Variants in HEPHL1 observed in about 807,000 individuals in gnomAD.
HEPHL1 encodes hephaestin like 1, also known as ferroxidase HEPHL1.
Under a neutral mutation model 122.0 loss-of-function variants are expected in HEPHL1, and 123 were observed. The observed-to-expected ratio is 1.01, with a 90% confidence interval of 0.87 to 1.17. The LOEUF is 1.17. Ranked by LOEUF, HEPHL1 falls within the 50% of genes most tolerant of loss-of-function variation. HEPHL1 has a pLI of 0.00. For missense variants in HEPHL1, 1,452 were observed against 1,430.5 expected (o/e 1.01, Z -0.24); for synonymous variants, 527 against 508.9 (o/e 1.04, Z -0.48).
rs186584225 is a variant in HEPHL1, at chr11:94,100,352, G to C, written c.2435-843G>C. 1.6e-4 allele frequency among the ~76,000 whole-genome samples: 24 copies of C among 152,288 alleles called. No homozygotes were observed. The East Asian group carries it at 4.6e-3, about 29-fold the overall frequency. Reference sequence around the variant, plus strand: ...TGTAGAATGCACCAGATACCCAAGAGAGAGCCATAGGGATCAGGCACTTCT... The same window carrying C: ...TGTAGAATGCACCAGATACCCAAGACAGAGCCATAGGGATCAGGCACTTCT... On this transcript the variant is annotated intron_variant, in intron 13 of 19. Transcript: ENST00000315765.
At chr11:94,064,698 G>A (rs1016741421) in intron 4 of HEPHL1, among the ~76,000 whole-genome samples, 188 bp downstream of exon 4, 2 of 152,184 alleles carry the variant, frequency 1.3e-5, no homozygotes, top group Admixed American at 6.5e-5. Flanking sequence ...GGGGGACAGA[G>A]CAGTGGATGC....
chr11:94,022,460 T>C (rs2949864), intron 1 of HEPHL1, among the ~76,000 whole-genome samples: 41,254 of 152,106 alleles, frequency 0.27, 6,609 homozygotes, highest in African/African-American at 0.43. Flanking sequence ...GTTGATAAAA[T>C]TCAGGAACAG....
chr11:94,098,061 A>T (rs893974756), intron 13 of HEPHL1, among the ~76,000 whole-genome samples: 12 of 152,144 alleles, frequency 7.9e-5, no homozygotes, highest in African/African-American at 2.9e-4. Context: ...TGTCATTATG[A>T]TGTTAGCTGG....
At chr11:94,064,546 C>G in intron 4 of HEPHL1, 36 bp downstream of exon 4, 1 of 1,430,352 alleles carries the variant, frequency 7.0e-7, no homozygotes, top group Non-Finnish European at 9.8e-7. Context: ...GTATACCAGG[C>G]CTTTTATACT....
At chr11:94,106,630 G>C (rs1292231013) in intron 17 of HEPHL1, among the ~76,000 whole-genome samples, 2 of 152,060 alleles carry the variant, frequency 1.3e-5, no homozygotes, top group African/African-American at 4.8e-5. Flanking sequence ...ATATTATTGT[G>C]CTTATAAAAA....
intron 2 of HEPHL1, among the ~76,000 whole-genome samples, chr11:94,059,382 G>A (rs1591472688): frequency 6.6e-6 from 1 of 152,050 alleles, no homozygotes; most frequent in Admixed American, 6.6e-5. Context: ...TAAAATTGCT[G>A]GTTGTATATA....
rs1946394479 is a variant in HEPHL1, at chr11:94,104,660, T to C, written c.2815T>C (p.Tyr939His). ...FLVFNENESWYLDDNIKKYLN... is the reference protein window; with the variant it reads ...FLVFNENESWHLDDNIKKYLN... Reference sequence around the variant, plus strand: ...GGTATTTAATGAGAATGAATCCTGGTATCTGGATGACAATATTAAGAAGTA... The same window carrying C: ...GGTATTTAATGAGAATGAATCCTGGCATCTGGATGACAATATTAAGAAGTA... The change falls in exon 16 of 20, where the codon TAT becomes CAT. Residue 939 changes from tyrosine (Y) to histidine (H), a missense_variant. Coordinates refer to ENST00000315765, the MANE Select transcript of HEPHL1 (RefSeq NM_001098672.2). 2.5e-6 allele frequency: 4 copies of C among 1,613,636 alleles called. No individual in the cohort carries two copies. Among genetic ancestry groups the C allele is most frequent in the African/African-American group, 2.7e-5 (2 of 74,912 alleles).
chr11:94,049,418 C>T (rs1945870390), intron 2 of HEPHL1, among the ~76,000 whole-genome samples: 1 of 151,876 alleles, frequency 6.6e-6, no homozygotes, highest in South Asian at 2.1e-4. Context: ...TTAGTACAGC[C>T]ACTACGGAAA....
intron 2 of HEPHL1, among the ~76,000 whole-genome samples, chr11:94,050,467 A>G (rs2134418672): frequency 6.6e-6 from 1 of 151,958 alleles, no homozygotes; most frequent in East Asian, 1.9e-4. Flanking sequence ...CTAGCTGTAC[A>G]TTTTTTTCTA....
At position 94,073,127 on chromosome 11, in the gene HEPHL1, G is replaced by GAGAC; in HGVS notation, c.1336_1339dup (p.Leu447GlnfsTer5). On this transcript the variant is annotated frameshift_variant, in exon 7 of 20. Transcript: ENST00000315765. LOFTEE classifies it high-confidence loss of function. ...TTGATGCAACTTTTACTAAAAGAAA[G>GAGAC]AGACTCTCTGCTGAAGAAGCCCATC... is the stretch of plus-strand genomic sequence containing the variant. 1 of 1,613,176 alleles carries GAGAC rather than the reference G, an allele frequency of 6.2e-7. No individual in the cohort carries two copies. The highest frequency in any genetic ancestry group is 8.5e-7 in the Non-Finnish European group (1 of 1,179,470).
chr11:94,067,666 C>G lies in HEPHL1; in HGVS notation c.979C>G (p.Pro327Ala), dbSNP rs541253114. ...GHRTDVVNLF[P>A]ATFLTTEMIA... ...TCGGACTGATGTCGTCAACCTGTTC[C>G]CAGCCACCTTCCTTACAACAGAAAT... is the stretch of plus-strand genomic sequence containing the variant. The change falls in exon 5 of 20, where the codon CCA becomes GCA. Residue 327 changes from proline (P) to alanine (A), a missense_variant. Pro to Ala is a conservative substitution (Grantham distance 27). Coordinates refer to ENST00000315765, the MANE Select transcript of HEPHL1 (RefSeq NM_001098672.2). 1.2e-5 allele frequency: 20 copies of G among 1,613,726 alleles called. No homozygotes were observed. The highest frequency in any genetic ancestry group is 1.7e-5 in the Non-Finnish European group (20 of 1,179,750).
At chr11:94,043,175 A>G (rs1207700998) in intron 1 of HEPHL1, among the ~76,000 whole-genome samples, 1 of 152,194 alleles carries the variant, frequency 6.6e-6, no homozygotes, top group Non-Finnish European at 1.5e-5. Flanking sequence ...GAAAAAATGA[A>G]AAGAAATAGT....
chr11:94,059,666 T>C (rs1945967946), intron 2 of HEPHL1, among the ~76,000 whole-genome samples: 1 of 152,180 alleles, frequency 6.6e-6, no homozygotes, highest in African/African-American at 2.4e-5. Flanking sequence ...TCAGAACAAC[T>C]TAATAAATTA....
In HEPHL1 at chr11:94,045,902, A is replaced by C; in HGVS notation, c.400A>C (p.Asn134His). The change falls in exon 2 of 20, where the codon AAC (asparagine) becomes CAC (histidine). Residue 134 changes from asparagine to histidine, a missense_variant. Transcript: ENST00000315765. ...TCTGCATCCACATGGCGTTTTCTAC[A>C]ACAAAGATTCAGAAGGTAAATATCA... The part of the protein sequence containing the change: ...YSLHPHGVFY[N>H]KDSEGALYPD... 2.5e-6 allele frequency: 4 copies of C among 1,613,820 alleles called. No individual in the cohort carries two copies. In the South Asian group the frequency reaches 3.3e-5, roughly 13 times the overall value.
At chr11:94,099,269 G>A (rs1308141109) in intron 13 of HEPHL1, among the ~76,000 whole-genome samples, 1 of 152,208 alleles carries the variant, frequency 6.6e-6, no homozygotes, top group Non-Finnish European at 1.5e-5. Context: ...GGAGTTTGCT[G>A]GAGGTCCACT....
rs780331616 is a variant in HEPHL1, at chr11:94,082,587, C to T, written c.1867+19C>T. 7 of 1,594,712 alleles carry T rather than the reference C, an allele frequency of 4.4e-6. No homozygotes were observed. The Middle Eastern group carries it at 6.7e-4, about 152-fold the overall frequency. Reference sequence around the variant, plus strand: ...ATGCATGGTATGACAAATGACATTCCCGCCTGTAAATGAAAGGCTGACTTG... The same window carrying T: ...ATGCATGGTATGACAAATGACATTCTCGCCTGTAAATGAAAGGCTGACTTG... On this transcript the variant is annotated intron_variant, in intron 10 of 19. Transcript: ENST00000315765.
Position 94,070,413 on chromosome 11 carries a change from G to C in HEPHL1, c.1103G>C (p.Ser368Thr). 2 of 1,603,560 alleles carry C rather than the reference G, an allele frequency of 1.2e-6. No individual in the cohort carries two copies. The highest frequency in any genetic ancestry group is 1.7e-6 in the Non-Finnish European group (2 of 1,174,520). The change falls in exon 6 of 20, where the codon AGT becomes ACT. Residue 368 changes from serine (S) to threonine (T), a missense_variant. Ser to Thr is a moderately conservative substitution (Grantham distance 58). Transcript: ENST00000315765. Reference protein sequence around the residue: ...LGQYNVDNCKSDIFYPKMKGQ... With the variant: ...LGQYNVDNCKTDIFYPKMKGQ... ...CAATACAATGTTGATAACTGCAAAA[G>C]TGATATTTTCTACCCCAAGATGAAG... is the stretch of plus-strand genomic sequence containing the variant.
At chr11:94,028,396 G>A (rs529786741) in intron 1 of HEPHL1, among the ~76,000 whole-genome samples, 4 of 152,282 alleles carry the variant, frequency 2.6e-5, no homozygotes, top group Admixed American at 6.5e-5. Context: ...TGCAAGCTAC[G>A]AACTCCTGAG....
At chr11:94,059,179 C>T (rs1001587975) in intron 2 of HEPHL1, among the ~76,000 whole-genome samples, 2 of 152,080 alleles carry the variant, frequency 1.3e-5, no homozygotes, top group Admixed American at 6.6e-5. Context: ...ATAATGCTTT[C>T]TGTTTTTCAC....
Sources: gnomAD v4.1 joint callset for allele counts (sites outside exome capture counted in the v4.1 genomes callset) on GRCh38, gnomAD v4.1.1 for gene constraint, MANE v1.5 for transcripts, NCBI Gene and HGNC (gene_info 2026-07-23, HGNC 2026-07-21) for gene names.